Variants in PCYOX1 observed in about 807,000 individuals in gnomAD.
The protein encoded by PCYOX1 is prenylcysteine oxidase 1.
In PCYOX1, 46 loss-of-function variants were observed where a neutral mutation model predicts 46.4. The observed-to-expected ratio is 0.99, with a 90% CI of 0.78 to 1.27. PCYOX1 has a LOEUF of 1.27. Ranked by LOEUF, PCYOX1 falls within the 50% of genes most tolerant of loss-of-function variation. The pLI is 0.00. For synonymous variants in PCYOX1, 220 were observed against 231.8 expected, an observed-to-expected ratio of 0.95 and a Z score of 0.46; for missense variants, 658 against 628.3, an observed-to-expected ratio of 1.05 and a Z score of -0.51.
Position 70,271,856 on chromosome 2 carries a change from T to C in PCYOX1, c.495-3103T>C, listed in dbSNP as rs1412703383. ...CTGCTTTAAAGGGTCTTCAAATATATTTTCTTTAACAGAACCTTACTTCAT... is the reference window on the plus strand; with the variant it reads ...CTGCTTTAAAGGGTCTTCAAATATACTTTCTTTAACAGAACCTTACTTCAT... On this transcript the variant is annotated intron_variant, in intron 3 of 5. Transcript: ENST00000433351. Among the ~76,000 whole-genome samples, 5 of 151,302 alleles carry C rather than the reference T, an allele frequency of 3.3e-5. No homozygotes were observed. The East Asian group carries it at 5.8e-4, about 18-fold the overall frequency.
At chr2:70,269,686 A>G (rs975480716) in intron 3 of PCYOX1, among the ~76,000 whole-genome samples, 5 of 152,068 alleles carry the variant, frequency 3.3e-5, no homozygotes, top group African/African-American at 9.7e-5. Context: ...TATTGATGTC[A>G]TAGCCTCCGG....
At position 70,259,462 on chromosome 2, in the gene PCYOX1, G is replaced by T. The variant is rs771892682; in HGVS notation, c.215G>T (p.Gly72Val). The T allele has an allele frequency of 1.4e-5, 22 of 1,613,946 alleles. No homozygotes were observed. The highest frequency in any genetic ancestry group is 5.0e-5 in the Admixed American group (3 of 59,988). The change falls in exon 2 of 6, where the codon GGG becomes GTG. Residue 72 changes from glycine (G) to valine (V), a missense_variant. Coordinates refer to ENST00000433351, the MANE Select transcript of PCYOX1 (RefSeq NM_016297.4). ...GACCTGTTTGAAAGAGAAGAGGTCG[G>T]GGGCCGCCTGGCTACCATGATGGTG... Reference protein sequence around the residue: ...KIDLFEREEVGGRLATMMVQG... With the variant: ...KIDLFEREEVVGRLATMMVQG...
chr2:70,261,478 A>G (rs767802563), intron 3 of PCYOX1, 92 bp downstream of exon 3: 26 of 870,886 alleles, frequency 3.0e-5, no homozygotes, highest in Non-Finnish European at 4.3e-5. Flanking sequence ...TCTTGTAAGC[A>G]TTTTCTACCT....
rs1298530719 is a variant in PCYOX1, at chr2:70,277,634, TA to T, written c.*245del. 5 of 388,178 alleles carry T rather than the reference TA, an allele frequency of 1.3e-5. No individual in the cohort carries two copies. The highest frequency in any genetic ancestry group is 2.3e-5 in the Non-Finnish European group (5 of 216,600). 24.0% of individuals were successfully genotyped at this position (388,178 alleles called of 1,614,324 possible). ...TTCACTATCCATTAGGAGTTTTTCTTAAACTTGTCTGATAATAAGAATCACC... is the reference window on the plus strand; with the variant it reads ...TTCACTATCCATTAGGAGTTTTTCTTAACTTGTCTGATAATAAGAATCACC... On this transcript the variant is annotated 3_prime_UTR_variant, in exon 6 of 6. Coordinates refer to ENST00000433351, the MANE Select transcript of PCYOX1 (RefSeq NM_016297.4).
intron 3 of PCYOX1, among the ~76,000 whole-genome samples, chr2:70,264,208 A>G (rs1305300233): frequency 2.0e-5 from 3 of 147,230 alleles, no homozygotes; most frequent in African/African-American, 7.5e-5. Context: ...CGAGTGTTCC[A>G]CTCACCTGGG....
chr2:70,275,675 G>GA lies in PCYOX1; in HGVS notation c.859+11dup. 2.5e-6 allele frequency: 4 copies of GA among 1,605,270 alleles called. No individual in the cohort carries two copies. In the South Asian group the frequency reaches 4.4e-5, roughly 18 times the overall value. ...AAAGACCAAGTACACAGGTAAGCTT[G>GA]AATTTCTTATTGTTCCTGATATCCC... On this transcript the variant is annotated intron_variant, in intron 5 of 5. Transcript: ENST00000433351.
At chr2:70,262,255 T>TCC (rs1335666308) in intron 3 of PCYOX1, among the ~76,000 whole-genome samples, 2 of 152,076 alleles carry the variant, frequency 1.3e-5, no homozygotes, top group South Asian at 2.1e-4. Flanking sequence ...AACCTCTGCC[T>TCC]CTTGGGTTCA....
In PCYOX1 at chr2:70,267,438, C is replaced by T. The variant is rs966431219; in HGVS notation, c.494+6052C>T. Among the ~76,000 whole-genome samples, 11 of 152,026 alleles carry T rather than the reference C, an allele frequency of 7.2e-5. No individual in the cohort carries two copies. In the East Asian group the frequency reaches 1.2e-3, roughly 16 times the overall value. ...AGCACTTTTGGGAGGTCAAGGCAGG[C>T]GGCTGGGAGGTGGAGGTTGTAGCGA... On this transcript the variant is annotated intron_variant, in intron 3 of 5. Transcript: ENST00000433351.
intron 3 of PCYOX1, among the ~76,000 whole-genome samples, chr2:70,266,205 A>G (rs757842045): frequency 3.6e-4 from 55 of 152,144 alleles, no homozygotes; most frequent in Non-Finnish European, 6.9e-4. Context: ...GGTGGGCCCA[A>G]TATAATCACA....
intron 3 of PCYOX1, among the ~76,000 whole-genome samples, chr2:70,268,083 AC>A (rs1490762872): frequency 1.3e-5 from 2 of 152,082 alleles, no homozygotes; most frequent in African/African-American, 4.8e-5. Context: ...TGCTGGGATT[AC>A]AGGTGTGAGC....
intron 3 of PCYOX1, among the ~76,000 whole-genome samples, chr2:70,268,687 T>TGA (rs1174834566): frequency 6.6e-6 from 1 of 151,244 alleles, no homozygotes. Flanking sequence ...TAATCCCAGC[T>TGA]ACTCAGGAAG....
rs142855358 is a variant in PCYOX1 at position 70,258,194 on chromosome 2, C to T, written c.30C>T (p.Ser10=). The T allele has an allele frequency of 8.8e-5, 141 of 1,598,660 alleles. 1 individual carries two copies. The African/African-American group carries it at 1.7e-3, about 19-fold the overall frequency. ...GGCGCGTCGTCGCGGAGCTCGTCTC[C>T]TCGCTGCTGGGGTTGTGGCTGTTGC... MGRVVAELV[S]SLLGLWLLLC... The change falls in exon 1 of 6, where the codon TCC becomes TCT. Residue 10 remains serine, a synonymous_variant. Transcript: ENST00000433351.
Position 70,259,394 on chromosome 2 carries a change from A to G in PCYOX1, c.147A>G (p.Ala49=). The change falls in exon 2 of 6, where the codon GCA becomes GCG. Residue 49 remains alanine (A), a synonymous_variant. Coordinates refer to ENST00000433351, the MANE Select transcript of PCYOX1 (RefSeq NM_016297.4). ...GAGCCGGAATTGGTGGCACTTCAGC[A>G]GCCTATTACCTGCGGCAGAAATTTG... ...IIGAGIGGTS[A]AYYLRQKFGK... 5 of 1,614,160 alleles carry G rather than the reference A, an allele frequency of 3.1e-6. No homozygotes were observed. Among genetic ancestry groups the G allele is most frequent in the African/African-American group, 2.7e-5 (2 of 75,052 alleles).
chr2:70,277,151 A>T lies in PCYOX1; in HGVS notation c.1277A>T (p.Asp426Val). The T allele has an allele frequency of 2.5e-6, 4 of 1,614,172 alleles. No individual in the cohort carries two copies. The highest frequency in any genetic ancestry group is 3.4e-6 in the Non-Finnish European group (4 of 1,180,008). Reference sequence around the variant, plus strand: ...ATTTTAAAGCTCTTTCTGTCCTATGATTATGCTGTGAAGAAGCCATGGCTT... The same window carrying T: ...ATTTTAAAGCTCTTTCTGTCCTATGTTTATGCTGTGAAGAAGCCATGGCTT... ...AQILKLFLSY[D>V]YAVKKPWLAY... Residue 426 changes from aspartate (D) to valine (V), a missense_variant, in exon 6 of 6, where the codon GAT (aspartate) becomes GTT (valine). Coordinates refer to ENST00000433351, the MANE Select transcript of PCYOX1 (RefSeq NM_016297.4).
intron 3 of PCYOX1, among the ~76,000 whole-genome samples, chr2:70,267,401 G>A (rs1027853580): frequency 2.0e-5 from 3 of 152,128 alleles, no homozygotes; most frequent in Non-Finnish European, 4.4e-5. Context: ...GCTGGGCAGA[G>A]GCTGCAATCT....
rs1696400212 is a variant in PCYOX1 at position 70,259,358 on chromosome 2, A to G, written c.113-2A>G. 6.2e-7 allele frequency: 1 copy of G among 1,612,448 alleles called. No individual in the cohort carries two copies. On this transcript the variant is annotated splice_acceptor_variant, in intron 1 of 5. Transcript: ENST00000433351. LOFTEE classifies it high-confidence loss of function. ...ATAATCTTCTGTTTTTTTCCCTCAT[A>G]GCGATTATTGGAGCCGGAATTGGTG...
rs780099500 is a variant in PCYOX1, at chr2:70,261,310, A to G, written c.418A>G (p.Lys140Glu). 7.4e-6 allele frequency: 12 copies of G among 1,611,372 alleles called. No homozygotes were observed. The East Asian group carries it at 2.7e-4, about 36-fold the overall frequency. The change falls in exon 3 of 6, where the codon AAA becomes GAA. Residue 140 changes from lysine to glutamate, a missense_variant. Physicochemically the swap from Lys to Glu is moderately conservative, Grantham distance 56. Coordinates refer to ENST00000433351, the MANE Select transcript of PCYOX1 (RefSeq NM_016297.4). ...ESNWFIINVI[K>E]LVWRYGFQSL... ...CAACTGGTTCATAATTAACGTGATT[A>G]AATTAGTTTGGCGCTATGGATTTCA...
intron 3 of PCYOX1, among the ~76,000 whole-genome samples, chr2:70,263,458 A>C (rs1405233998): frequency 1.3e-5 from 2 of 152,138 alleles, no homozygotes; most frequent in African/African-American, 4.8e-5. Flanking sequence ...TGTTGAGAGT[A>C]TAGGACCTAC....
Position 70,279,389 on chromosome 2 carries a change from ACT to A in PCYOX1, c.*1998_*1999del, listed in dbSNP as rs1696732722. On this transcript the variant is annotated 3_prime_UTR_variant, in exon 6 of 6. Transcript: ENST00000433351. ...TAATGAAGACAATTTGTAAAGTAAT[ACT>A]GTTATGTATATGCTAAATGTTGGTA... is the stretch of plus-strand genomic sequence containing the variant. 6.6e-6 allele frequency: 1 copy of A among 152,202 alleles called. No individual in the cohort carries two copies. The highest frequency in any genetic ancestry group is 1.5e-5 in the Non-Finnish European group (1 of 68,046). 9.4% of individuals were successfully genotyped at this position (152,202 alleles called of 1,614,324 possible). A position where few individuals can be genotyped will look rare whatever the true frequency, so the allele number is the denominator to read the frequency against.
Sources: gnomAD v4.1 joint callset for allele counts (sites outside exome capture counted in the v4.1 genomes callset) on GRCh38, gnomAD v4.1.1 for gene constraint, MANE v1.5 for transcripts, NCBI Gene and HGNC (gene_info 2026-07-23, HGNC 2026-07-21) for gene names.